Variants in NOS1AP observed in about 807,000 individuals in gnomAD.
The protein encoded by NOS1AP is carboxyl-terminal PDZ ligand of neuronal nitric oxide synthase protein.
Under a neutral mutation model 56.2 loss-of-function variants are expected in NOS1AP, and 21 were observed. The ratio of observed to expected loss-of-function variants is 0.37; its 90% CI spans 0.26 to 0.54. The LOEUF is 0.54. Among genes scored for constraint, NOS1AP ranks in the 20% least tolerant of loss-of-function variants. The pLI is 0.84. For missense variants in NOS1AP, 522 were observed against 657.8 expected (o/e 0.79, Z 2.26); for synonymous variants, 270 against 274.6 (o/e 0.98, Z 0.17).
At chr1:162,253,576 C>G (rs1653935675) in intron 2 of NOS1AP, among the ~76,000 whole-genome samples, 2 of 152,192 alleles carry the variant, frequency 1.3e-5, no homozygotes, top group Admixed American at 6.5e-5. Context: ...CTGTCTAGTT[C>G]TGGCCAACCA....
At chr1:162,207,328 G>A (rs4656358) in intron 2 of NOS1AP, among the ~76,000 whole-genome samples, 2 of 152,180 alleles carry the variant, frequency 1.3e-5, no homozygotes, top group Non-Finnish European at 2.9e-5. Context: ...CGACACCTCC[G>A]CTTTAGACAG....
intron 1 of NOS1AP, among the ~76,000 whole-genome samples, chr1:162,153,756 G>A (rs1649812861): frequency 6.6e-6 from 1 of 152,146 alleles, no homozygotes; most frequent in African/African-American, 2.4e-5. Context: ...CTGTTACAGT[G>A]GGGACTTTAT....
At position 162,233,319 on chromosome 1, in the gene NOS1AP, G is replaced by C. The variant is rs548608031; in HGVS notation, c.178-54025G>C. 2.0e-5 allele frequency among the ~76,000 whole-genome samples: 3 copies of C among 152,312 alleles called. No homozygotes were observed. In the East Asian group the frequency reaches 5.8e-4, roughly 29 times the overall value. ...ACCCCAATGCCTGTGGCTCTTGCAT[G>C]GTGGTGGCTGGCGGGGTAGTTGTAC... On this transcript the variant is annotated intron_variant, in intron 2 of 9. Coordinates refer to ENST00000361897, the MANE Select transcript of NOS1AP (RefSeq NM_014697.3).
chr1:162,342,655 T>C (rs1279557499), intron 5 of NOS1AP: 7 of 463,154 alleles, frequency 1.5e-5, no homozygotes, highest in Non-Finnish European at 3.2e-5. Flanking sequence ...CTTCTAGACT[T>C]ATCAAAACAC....
At chr1:162,236,421 A>G (rs1653293577) in intron 2 of NOS1AP, among the ~76,000 whole-genome samples, 1 of 152,122 alleles carries the variant, frequency 6.6e-6, no homozygotes, top group Non-Finnish European at 1.5e-5. Flanking sequence ...ACAACATACC[A>G]TTCATATTTT....
intron 2 of NOS1AP, among the ~76,000 whole-genome samples, chr1:162,227,060 T>C (rs1652968295): frequency 6.6e-6 from 1 of 152,200 alleles, no homozygotes; most frequent in Non-Finnish European, 1.5e-5. Context: ...GGATCCTGGA[T>C]AATGATTAAT....
chr1:162,087,349 T>A (rs1251178010), intron 1 of NOS1AP, among the ~76,000 whole-genome samples: 1 of 152,186 alleles, frequency 6.6e-6, no homozygotes, highest in Admixed American at 6.5e-5. Context: ...ATGCATTGGA[T>A]GTGCCATGTG....
chr1:162,152,596 T>G (rs1472192466), intron 1 of NOS1AP, among the ~76,000 whole-genome samples: 1 of 152,250 alleles, frequency 6.6e-6, no homozygotes, highest in Non-Finnish European at 1.5e-5. Flanking sequence ...TTTGTTTACC[T>G]CAGCAAGCTG....
At chr1:162,267,477 C>G (rs2101714405) in intron 2 of NOS1AP, among the ~76,000 whole-genome samples, 1 of 143,996 alleles carries the variant, frequency 6.9e-6, no homozygotes, top group Non-Finnish European at 1.6e-5. Flanking sequence ...TTTTACAAGA[C>G]AGAAGGGCTG....
At chr1:162,220,345 C>G (rs1020787291) in intron 2 of NOS1AP, among the ~76,000 whole-genome samples, 1 of 151,694 alleles carries the variant, frequency 6.6e-6, no homozygotes, top group Non-Finnish European at 1.5e-5. Context: ...GTGTGCTATG[C>G]GTGGGTCTCG....
intron 2 of NOS1AP, among the ~76,000 whole-genome samples, chr1:162,247,026 A>T (rs4531272): frequency 0.81 from 122,702 of 152,134 alleles, 49,623 homozygotes; most frequent in Non-Finnish European, 0.84. Context: ...AGGACGTTAG[A>T]TCACTGGGTG....
intron 1 of NOS1AP, among the ~76,000 whole-genome samples, chr1:162,110,046 G>C (rs1647653903): frequency 6.6e-6 from 1 of 152,162 alleles, no homozygotes; most frequent in Non-Finnish European, 1.5e-5. Flanking sequence ...AACCTAGAGA[G>C]GGACTGTGAC....
intron 2 of NOS1AP, among the ~76,000 whole-genome samples, chr1:162,197,924 A>C (rs375921535): frequency 1.3e-5 from 2 of 152,168 alleles, no homozygotes; most frequent in African/African-American, 4.8e-5. Flanking sequence ...TGTGGGAGAG[A>C]GCTTTGCAGC....
intron 2 of NOS1AP, among the ~76,000 whole-genome samples, chr1:162,253,857 A>G (rs1653941929): frequency 6.6e-6 from 1 of 152,236 alleles, no homozygotes; most frequent in African/African-American, 2.4e-5. Flanking sequence ...CTGAAGATTT[A>G]TCTTTTTTAA....
intron 2 of NOS1AP, among the ~76,000 whole-genome samples, chr1:162,236,664 T>A (rs1319314989): frequency 6.6e-6 from 1 of 152,210 alleles, no homozygotes; most frequent in Non-Finnish European, 1.5e-5. Flanking sequence ...CCTCTTTTTC[T>A]TTGGTGGGGG....
At chr1:162,248,016 C>T (rs1380697131) in intron 2 of NOS1AP, among the ~76,000 whole-genome samples, 2 of 152,110 alleles carry the variant, frequency 1.3e-5, no homozygotes, top group African/African-American at 2.4e-5. Context: ...TGTGTGGTGG[C>T]TCACACCTGT....
intron 4 of NOS1AP, among the ~76,000 whole-genome samples, chr1:162,319,347 C>T (rs1656337706): frequency 1.3e-5 from 2 of 152,100 alleles, no homozygotes; most frequent in South Asian, 4.2e-4. Context: ...CTGCTCCTGC[C>T]CTCCTCCAAT....
At chr1:162,305,954 T>A (rs1655811897) in intron 4 of NOS1AP, among the ~76,000 whole-genome samples, 1 of 152,254 alleles carries the variant, frequency 6.6e-6, no homozygotes, top group Non-Finnish European at 1.5e-5. Context: ...TGTAATTGAT[T>A]TGAGACTATT....
At chr1:162,253,146 T>C (rs1416956641) in intron 2 of NOS1AP, among the ~76,000 whole-genome samples, 2 of 151,634 alleles carry the variant, frequency 1.3e-5, no homozygotes, top group African/African-American at 4.9e-5. Flanking sequence ...ATGGAGGGAG[T>C]GGGTTTGTTG....
Sources: gnomAD v4.1 joint callset for allele counts (sites outside exome capture counted in the v4.1 genomes callset) on GRCh38, gnomAD v4.1.1 for gene constraint, MANE v1.5 for transcripts, NCBI Gene and HGNC (gene_info 2026-07-23, HGNC 2026-07-21) for gene names.